STK32B: variants seen among roughly 807,000 people sequenced by gnomAD.
STK32B encodes serine/threonine-protein kinase 32B.
STK32B carries 43 observed loss-of-function variants against 52.6 expected under a neutral mutation model. That is an observed-to-expected ratio of 0.82 (90% CI 0.64 to 1.05). STK32B has a LOEUF of 1.05. Ranked by LOEUF, STK32B falls within the 50% of genes least tolerant of loss-of-function variation. The pLI, the probability that STK32B is intolerant of heterozygous loss-of-function variation, is 0.00. For synonymous variants in STK32B, 238 were observed against 204.3 expected (o/e 1.17, Z -1.41); for missense variants, 621 against 534.6 (o/e 1.16, Z -1.59).
intron 1 of STK32B, among the ~76,000 whole-genome samples, chr4:5,075,448 T>G (rs1712021109): frequency 6.6e-6 from 1 of 152,156 alleles, no homozygotes; most frequent in African/African-American, 2.4e-5. Flanking sequence ...TTAAAAATGT[T>G]TCTCAATCTT....
At chr4:5,176,972 C>G (rs1030926039) in intron 3 of STK32B, among the ~76,000 whole-genome samples, 2 of 152,140 alleles carry the variant, frequency 1.3e-5, no homozygotes, top group African/African-American at 2.4e-5. Flanking sequence ...CCTCACTTGT[C>G]ATAATGACAT....
the STK32B span, among the ~76,000 whole-genome samples, chr4:5,046,175 T>G: frequency 2.0e-5 from 3 of 152,014 alleles, no homozygotes; most frequent in African/African-American, 7.2e-5. Context: ...CATATAGATA[T>G]CAGTGGAACA....
At chr4:5,083,701 A>G (rs1469505695) in intron 1 of STK32B, among the ~76,000 whole-genome samples, 4 of 150,932 alleles carry the variant, frequency 2.7e-5, no homozygotes, top group Admixed American at 2.6e-4. Flanking sequence ...GATAGTATCT[A>G]TTTTGCTTCC....
At chr4:5,092,105 TTAGA>T (rs1480832139) in intron 1 of STK32B, among the ~76,000 whole-genome samples, 1 of 152,216 alleles carries the variant, frequency 6.6e-6, no homozygotes, top group East Asian at 1.9e-4. Flanking sequence ...CGTCCTGGAA[TTAGA>T]TAGAGGTATG....
intron 7 of STK32B, among the ~76,000 whole-genome samples, chr4:5,447,734 A>G (rs1242003382): frequency 6.6e-6 from 1 of 152,234 alleles, no homozygotes; most frequent in East Asian, 1.9e-4. Context: ...TCTCAGGACC[A>G]TGGTTTCCTC....
At chr4:5,024,062 A>T in the STK32B span, among the ~76,000 whole-genome samples, 6 of 152,184 alleles carry the variant, frequency 3.9e-5, no homozygotes, top group East Asian at 1.2e-3. Flanking sequence ...GAATGGTTTG[A>T]TCCAGGAACT....
At chr4:5,108,492 T>C (rs1714228708) in intron 1 of STK32B, among the ~76,000 whole-genome samples, 1 of 152,224 alleles carries the variant, frequency 6.6e-6, no homozygotes, top group African/African-American at 2.4e-5. Flanking sequence ...TAAAACACGT[T>C]GGGAAATATT....
intron 11 of STK32B, among the ~76,000 whole-genome samples, chr4:5,478,478 C>G (rs146052670): frequency 2.2e-4 from 33 of 152,236 alleles, no homozygotes; most frequent in African/African-American, 7.7e-4. Flanking sequence ...ATGCTTCTGG[C>G]CAAAGGCTGT....
intron 1 of STK32B, among the ~76,000 whole-genome samples, chr4:5,057,307 C>T (rs1742043541): frequency 6.6e-6 from 1 of 152,160 alleles, no homozygotes; most frequent in South Asian, 2.1e-4. Flanking sequence ...CTTGCTTGAG[C>T]AGAGAACTGG....
intron 6 of STK32B, among the ~76,000 whole-genome samples, chr4:5,431,853 C>A (rs988002860): frequency 1.3e-5 from 2 of 152,048 alleles, no homozygotes; most frequent in African/African-American, 4.8e-5. Flanking sequence ...AGCCAAGAGC[C>A]AAAGAAATAT....
rs113361343 is a variant in STK32B, at chr4:5,376,866, G to A, written c.435-21341G>A. 1.8e-3 allele frequency among the ~76,000 whole-genome samples: 269 copies of A among 152,040 alleles called. 1 individual carries two copies. The highest frequency in any genetic ancestry group is 6.0e-3 in the African/African-American group (250 of 41,502). On this transcript the variant is annotated intron_variant, in intron 4 of 11. Transcript: ENST00000282908. ...CCCTCTGGCCCCATGCTCTGCCCTCGGCCTGCCCCAGCCTCCACCTCTGCC... is the reference window on the plus strand; with the variant it reads ...CCCTCTGGCCCCATGCTCTGCCCTCAGCCTGCCCCAGCCTCCACCTCTGCC...
chr4:5,070,980 G>A (rs143063831), intron 1 of STK32B, among the ~76,000 whole-genome samples: 55 of 152,286 alleles, frequency 3.6e-4, no homozygotes, highest in Admixed American at 9.2e-4. Context: ...TACATGCTCC[G>A]TGGTAATTGC....
At chr4:5,133,915 T>TA (rs1715918243) in intron 1 of STK32B, among the ~76,000 whole-genome samples, 1 of 152,198 alleles carries the variant, frequency 6.6e-6, no homozygotes, top group African/African-American at 2.4e-5. Context: ...GAAGTTAACT[T>TA]ACGTCCTCAG....
chr4:5,498,485 G>C (rs79509253), intron 11 of STK32B, among the ~76,000 whole-genome samples: 2,432 of 152,110 alleles, frequency 0.016, 64 homozygotes, highest in African/African-American at 0.056. Flanking sequence ...GAATATGACT[G>C]TTTGGCTTGC....
In STK32B at chr4:5,188,015, G is replaced by A. The variant is rs767570012; in HGVS notation, c.260+19565G>A. Among the ~76,000 whole-genome samples, 10 of 151,718 alleles carry A rather than the reference G, an allele frequency of 6.6e-5. No individual in the cohort carries two copies. The East Asian group carries it at 7.8e-4, about 12-fold the overall frequency. Reference sequence around the variant, plus strand: ...AAGCCTCAGTTTCCTCGTGTAGGGCGCGCCTACAGCTCCCTCCCTTTCATG... The same window carrying A: ...AAGCCTCAGTTTCCTCGTGTAGGGCACGCCTACAGCTCCCTCCCTTTCATG... On this transcript the variant is annotated intron_variant, in intron 3 of 11. Transcript: ENST00000282908.
intron 1 of STK32B, among the ~76,000 whole-genome samples, chr4:5,102,446 TTCCTTCCTTCCTTCC>T (rs1450828668): frequency 5.5e-5 from 3 of 54,370 alleles, no homozygotes; most frequent in East Asian, 2.3e-3. Context: ...GCTTCCTTCC[TTCCTTCCTTCCTTCC>T]TTCCTTCCTT....
intron 4 of STK32B, among the ~76,000 whole-genome samples, chr4:5,367,474 G>A (rs1734949329): frequency 6.6e-6 from 1 of 152,142 alleles, no homozygotes; most frequent in African/African-American, 2.4e-5. Flanking sequence ...CCACATGTTA[G>A]TGGAGGCTGG....
At chr4:5,417,055 TC>T in intron 6 of STK32B, 121 bp downstream of exon 6, 1 of 867,564 alleles carries the variant, frequency 1.2e-6, no homozygotes, top group Non-Finnish European at 1.8e-6. Context: ...CACATGAGGT[TC>T]CACAGTTCCC....
chr4:5,166,950 C>T (rs773552696), intron 2 of STK32B, among the ~76,000 whole-genome samples: 4 of 152,058 alleles, frequency 2.6e-5, no homozygotes, highest in South Asian at 2.1e-4. Context: ...AGTCCCTCCT[C>T]GGGGTGTTGG....
Sources: gnomAD v4.1 joint callset for allele counts (sites outside exome capture counted in the v4.1 genomes callset) on GRCh38, gnomAD v4.1.1 for gene constraint, MANE v1.5 for transcripts, NCBI Gene and HGNC (gene_info 2026-07-23, HGNC 2026-07-21) for gene names.